NYAP2: variants seen among roughly 807,000 people sequenced by gnomAD.
NYAP2 encodes neuronal tyrosine-phosphorylated phosphoinositide-3-kinase adapter 2.
In NYAP2, 23 loss-of-function variants were observed where a neutral mutation model predicts 50.4. The observed-to-expected ratio is 0.46, with a 90% CI of 0.33 to 0.65. The LOEUF (loss-of-function observed/expected upper bound fraction) is 0.65. NYAP2 is among the 30% of genes least tolerant of loss of function. NYAP2 has a pLI of 0.02. For missense variants in NYAP2, 885 were observed against 861.0 expected (o/e 1.03, Z -0.35); for synonymous variants, 394 against 365.2 (o/e 1.08, Z -0.90).
At chr2:225,652,130 G>T (rs1693742849) in exon 7 of NYAP2, 1 of 152,116 alleles carries the variant, frequency 6.6e-6, no homozygotes, top group Admixed American at 6.6e-5. Context: ...TTCATATCCC[G>T]ATTCATTTGG....
chr2:225,657,266 C>T (rs866918885), downstream of NYAP2, among the ~76,000 whole-genome samples: 7 of 152,008 alleles, frequency 4.6e-5, no homozygotes, highest in Admixed American at 3.3e-4. Context: ...TCTGCCACCA[C>T]ACCAGGCTAA....
intron 5 of NYAP2, among the ~76,000 whole-genome samples, chr2:225,605,659 GTAAATAAA>G (rs927631847): frequency 5.3e-5 from 8 of 151,786 alleles, no homozygotes; most frequent in Non-Finnish European, 1.0e-4. Context: ...TAATCATAAT[GTAAATAAA>G]TAAATAAATA....
Position 225,623,871 on chromosome 2 carries a change from G to A in NYAP2, c.1619-3046G>A, listed in dbSNP as rs531237146. Reference sequence around the variant, plus strand: ...AAATTTGAAATTACTGCTATACCACGTATTAAAATAACTTTAGATAAAATG... The same window carrying A: ...AAATTTGAAATTACTGCTATACCACATATTAAAATAACTTTAGATAAAATG... On this transcript the variant is annotated intron_variant, in intron 5 of 6. Transcript: ENST00000636099. Among the ~76,000 whole-genome samples, 14 of 152,244 alleles carry A rather than the reference G, an allele frequency of 9.2e-5. No individual in the cohort carries two copies. The South Asian group carries it at 1.4e-3, about 16-fold the overall frequency.
intron 4 of NYAP2, among the ~76,000 whole-genome samples, chr2:225,525,531 A>G (rs1204944881): frequency 1.3e-5 from 2 of 152,182 alleles, no homozygotes; most frequent in Non-Finnish European, 2.9e-5. Context: ...AGGAAGTCAT[A>G]TACCTCATGT....
At chr2:225,499,506 C>G (rs546607178) in intron 3 of NYAP2, among the ~76,000 whole-genome samples, 1 of 151,510 alleles carries the variant, frequency 6.6e-6, no homozygotes, top group African/African-American at 2.4e-5. Flanking sequence ...TTAGTAGAGA[C>G]GGGGTTTCAT....
intron 3 of NYAP2, among the ~76,000 whole-genome samples, chr2:225,483,564 A>G (rs1383354440): frequency 1.3e-5 from 2 of 152,210 alleles, no homozygotes; most frequent in Non-Finnish European, 1.5e-5. Context: ...CAACTCTTAG[A>G]AAAAGTGAGA....
chr2:225,646,368 A>G (rs921485927), intron 6 of NYAP2, among the ~76,000 whole-genome samples: 29 of 152,220 alleles, frequency 1.9e-4, no homozygotes, highest in African/African-American at 5.8e-4. Context: ...TCTGACCAAC[A>G]TGGAGAAAAC....
At chr2:225,468,683 T>A (rs1264828853) in intron 3 of NYAP2, among the ~76,000 whole-genome samples, 8 of 152,062 alleles carry the variant, frequency 5.3e-5, no homozygotes, top group Non-Finnish European at 1.2e-4. Context: ...CCTACAGCAA[T>A]ACACAAAACC....
chr2:225,582,836 T>C lies in NYAP2; in HGVS notation c.1419T>C (p.Pro473=). Residue 473 remains proline, a synonymous_variant, in exon 5 of 7, where the codon CCT becomes CCC. Transcript: ENST00000636099. The surrounding 1 kb of genome is among the most constrained non-coding windows in gnomAD (Gnocchi z 7.0). ...TCTCAAGGAGCTCTCCTTCAGTGCC[T>C]CACTCGACCCCCAGACCCGTGTCGC... The C allele has an allele frequency of 6.2e-7, 1 of 1,613,810 alleles. No individual in the cohort carries two copies. The highest frequency in any genetic ancestry group is 8.5e-7 in the Non-Finnish European group (1 of 1,179,860).
chr2:225,433,306 C>T (rs973935751), intron 3 of NYAP2, among the ~76,000 whole-genome samples: 26 of 151,500 alleles, frequency 1.7e-4, no homozygotes, highest in African/African-American at 6.3e-4. Context: ...ATGCCAAGAT[C>T]GTGCCTGTTA....
At chr2:225,528,846 T>G (rs1240336994) in intron 4 of NYAP2, among the ~76,000 whole-genome samples, 2 of 152,212 alleles carry the variant, frequency 1.3e-5, no homozygotes, top group Non-Finnish European at 2.9e-5. Context: ...GTGAGAAATA[T>G]GAGACTCGAT....
At chr2:225,489,959 C>A (rs1329931664) in intron 3 of NYAP2, among the ~76,000 whole-genome samples, 2 of 152,140 alleles carry the variant, frequency 1.3e-5, no homozygotes, top group Non-Finnish European at 2.9e-5. Context: ...AAAGGGTGTT[C>A]ATAGTTCTGA....
intron 3 of NYAP2, among the ~76,000 whole-genome samples, chr2:225,467,104 G>T (rs1256632214): frequency 6.6e-6 from 1 of 152,062 alleles, no homozygotes; most frequent in Admixed American, 6.5e-5. Context: ...GTCTGCCTGC[G>T]CAGTGGCCTG....
At chr2:225,470,946 G>A (rs7604305) in intron 3 of NYAP2, among the ~76,000 whole-genome samples, 1,752 of 152,146 alleles carry the variant, frequency 0.012, 40 homozygotes, top group African/African-American at 0.04. Flanking sequence ...GGGAGACTGA[G>A]GCAGGGGGTT....
At chr2:225,606,334 C>T (rs190300570) in intron 5 of NYAP2, among the ~76,000 whole-genome samples, 37 of 152,162 alleles carry the variant, frequency 2.4e-4, no homozygotes, top group Admixed American at 4.6e-4. Flanking sequence ...TAAATTTATG[C>T]GCTACATTAT....
At chr2:225,505,207 A>G (rs1171958161) in intron 3 of NYAP2, among the ~76,000 whole-genome samples, 2 of 152,174 alleles carry the variant, frequency 1.3e-5, no homozygotes, top group African/African-American at 4.8e-5. Context: ...CATATCCGAG[A>G]AGTATCAATA....
the NYAP2 span, among the ~76,000 whole-genome samples, chr2:225,680,994 C>T: frequency 2.0e-5 from 3 of 152,216 alleles, no homozygotes; most frequent in Non-Finnish European, 4.4e-5. Flanking sequence ...TATTTCCTCA[C>T]ACTCTGTGTG....
chr2:225,616,522 T>C (rs1285654242), intron 5 of NYAP2, among the ~76,000 whole-genome samples: 1 of 152,212 alleles, frequency 6.6e-6, no homozygotes, highest in Non-Finnish European at 1.5e-5. Context: ...CTCTGTGATA[T>C]TCAATTAGAA....
At chr2:225,512,831 C>CTTTTCTT (rs549251468) in intron 3 of NYAP2, among the ~76,000 whole-genome samples, 1 of 77,568 alleles carries the variant, frequency 1.3e-5, no homozygotes, top group African/African-American at 4.9e-5. Flanking sequence ...CTCTCTCTCT[C>CTTTTCTT]TCTCTCTTTC....
Sources: gnomAD v4.1 joint callset for allele counts (sites outside exome capture counted in the v4.1 genomes callset) on GRCh38, gnomAD v4.1.1 for gene constraint, Gnocchi (gnomAD v3.1) non-coding constraint, MANE v1.5 for transcripts, NCBI Gene and HGNC (gene_info 2026-07-23, HGNC 2026-07-21) for gene names.